NLGN1: variants seen among roughly 807,000 people sequenced by gnomAD.
The protein encoded by NLGN1 is neuroligin-1.
A neutral mutation model predicts 65.5 loss-of-function variants in NLGN1; 12 were observed. The observed-to-expected ratio is 0.18, with a 90% CI of 0.12 to 0.30. NLGN1 has a LOEUF of 0.30. NLGN1 is among the 10% of genes least tolerant of loss of function. NLGN1 has a pLI of 1.00. For synonymous variants in NLGN1, 350 were observed against 359.5 expected, an observed-to-expected ratio of 0.97 and a Z score of 0.30; for missense variants, 750 against 1,007.1, an observed-to-expected ratio of 0.74 and a Z score of 3.46.
At chr3:174,169,443 T>C (rs1278818610) in intron 4 of NLGN1, among the ~76,000 whole-genome samples, 2 of 151,482 alleles carry the variant, frequency 1.3e-5, no homozygotes, top group Admixed American at 1.3e-4. Context: ...TGTACCAAGA[T>C]CTGTGCACAG....
intron 4 of NLGN1, among the ~76,000 whole-genome samples, chr3:173,872,130 C>T (rs1731293838): frequency 6.6e-6 from 1 of 152,090 alleles, no homozygotes; most frequent in Admixed American, 6.5e-5. Context: ...AGGAAGTTGC[C>T]TCCCTCTCGT....
At chr3:174,135,554 A>T (rs1003153000) in intron 4 of NLGN1, among the ~76,000 whole-genome samples, 1 of 152,114 alleles carries the variant, frequency 6.6e-6, no homozygotes, top group African/African-American at 2.4e-5. Flanking sequence ...TTTTTAGTAA[A>T]TGGGTTTGAA....
At chr3:173,631,428 TGGTG>T (rs1755666029) in intron 3 of NLGN1, among the ~76,000 whole-genome samples, 1 of 152,038 alleles carries the variant, frequency 6.6e-6, no homozygotes, top group African/African-American at 2.4e-5. Flanking sequence ...GCTTTGCACT[TGGTG>T]TGTGTGTATC....
intron 4 of NLGN1, among the ~76,000 whole-genome samples, chr3:173,982,656 C>G (rs1477013298): frequency 6.6e-6 from 1 of 152,162 alleles, no homozygotes; most frequent in African/African-American, 2.4e-5. Flanking sequence ...TAAGTACACT[C>G]TGTGTCAATT....
chr3:174,007,261 C>T (rs939238986), intron 4 of NLGN1, among the ~76,000 whole-genome samples: 1 of 152,144 alleles, frequency 6.6e-6, no homozygotes, highest in Non-Finnish European at 1.5e-5. Context: ...AGAGAAAATA[C>T]ATTTTTTGTT....
chr3:174,216,309 A>T (rs780589482), intron 4 of NLGN1, among the ~76,000 whole-genome samples: 1 of 152,146 alleles, frequency 6.6e-6, no homozygotes, highest in Non-Finnish European at 1.5e-5. Context: ...AAATAGAGGG[A>T]CATAGGACTC....
chr3:174,036,574 G>T (rs291937), intron 4 of NLGN1, among the ~76,000 whole-genome samples: 143,475 of 149,812 alleles, frequency 0.96, 68,754 homozygotes, highest in East Asian at 1. Flanking sequence ...ATGGAAATAG[G>T]TTTTTTGTTG....
chr3:173,442,645 CTA>C (rs754194417), intron 2 of NLGN1, among the ~76,000 whole-genome samples: 6 of 152,010 alleles, frequency 3.9e-5, no homozygotes, highest in African/African-American at 7.2e-5. Flanking sequence ...AGAAACAACT[CTA>C]AAATTATTTT....
chr3:173,539,252 G>A (rs1301580063), intron 2 of NLGN1, among the ~76,000 whole-genome samples: 2 of 151,746 alleles, frequency 1.3e-5, no homozygotes, highest in Non-Finnish European at 2.9e-5. Context: ...GTCTCCATTA[G>A]GCCATAGGTG....
intron 3 of NLGN1, among the ~76,000 whole-genome samples, chr3:173,708,913 C>T (rs538580413): frequency 1.4e-4 from 22 of 152,158 alleles, no homozygotes; most frequent in African/African-American, 4.3e-4. Context: ...ATGCGTTATT[C>T]GGTATATTAA....
intron 4 of NLGN1, among the ~76,000 whole-genome samples, chr3:173,814,175 A>C (rs1477451505): frequency 6.6e-6 from 1 of 152,240 alleles, no homozygotes; most frequent in Non-Finnish European, 1.5e-5. Context: ...TCATAACTTC[A>C]TAAGTGCTCA....
chr3:174,263,775 G>T (rs889438917), intron 4 of NLGN1, among the ~76,000 whole-genome samples: 1 of 151,828 alleles, frequency 6.6e-6, no homozygotes, highest in African/African-American at 2.4e-5. Context: ...TTTCTTCCTA[G>T]TCTTGATGGT....
At chr3:173,686,220 G>T (rs1305594928) in intron 3 of NLGN1, among the ~76,000 whole-genome samples, 1 of 150,958 alleles carries the variant, frequency 6.6e-6, no homozygotes. Context: ...TGAATTCAGA[G>T]TTCTCTTAAT....
chr3:173,746,026 A>G (rs1775309547), intron 3 of NLGN1, among the ~76,000 whole-genome samples: 1 of 152,080 alleles, frequency 6.6e-6, no homozygotes, highest in Admixed American at 6.6e-5. Flanking sequence ...GAGGCATTGT[A>G]CTGGACAGTA....
At chr3:174,257,410 A>G (rs1745997362) in intron 4 of NLGN1, among the ~76,000 whole-genome samples, 1 of 152,214 alleles carries the variant, frequency 6.6e-6, no homozygotes, top group South Asian at 2.1e-4. Context: ...TACTGGGTAT[A>G]TATCCAAAGG....
chr3:173,893,876 C>T (rs1735833287), intron 4 of NLGN1, among the ~76,000 whole-genome samples: 1 of 152,186 alleles, frequency 6.6e-6, no homozygotes, highest in South Asian at 2.1e-4. Flanking sequence ...TGCATGTCTG[C>T]ACCCTGAATA....
chr3:174,018,241 T>C (rs903907376), intron 4 of NLGN1, among the ~76,000 whole-genome samples: 2 of 152,168 alleles, frequency 1.3e-5, no homozygotes, highest in African/African-American at 4.8e-5. Flanking sequence ...TGTTCTTTTT[T>C]CAAGGTGCCC....
At chr3:173,898,843 T>TA (rs1326547634) in intron 4 of NLGN1, among the ~76,000 whole-genome samples, 3 of 152,272 alleles carry the variant, frequency 2.0e-5, no homozygotes, top group South Asian at 4.1e-4. Flanking sequence ...TACATTGGAT[T>TA]AAAGCTGTCC....
chr3:174,186,221 T>C (rs1262006095), intron 4 of NLGN1, among the ~76,000 whole-genome samples: 3 of 152,148 alleles, frequency 2.0e-5, no homozygotes, highest in Non-Finnish European at 2.9e-5. Context: ...TTTCAAATAA[T>C]GTTTTCCTAA....
Sources: gnomAD v4.1 joint callset for allele counts (sites outside exome capture counted in the v4.1 genomes callset) on GRCh38, gnomAD v4.1.1 for gene constraint, MANE v1.5 for transcripts, NCBI Gene and HGNC (gene_info 2026-07-23, HGNC 2026-07-21) for gene names.